The following TCP11L1 variants were observed in gnomAD, a reference collection of about 807,000 sequenced individuals.
TCP11L1 encodes t-complex 11 like 1, also known as T-complex protein 11-like protein 1.
In TCP11L1, 28 loss-of-function variants were observed where a neutral mutation model predicts 48.9. That is an observed-to-expected ratio of 0.57 (90% CI 0.42 to 0.78). The LOEUF (loss-of-function observed/expected upper bound fraction) is 0.78. Among genes scored for constraint, TCP11L1 ranks in the 30% least tolerant of loss-of-function variants. The pLI is 0.00. For missense variants in TCP11L1, 505 were observed against 613.4 expected, an observed-to-expected ratio of 0.82 and a Z score of 1.87; for synonymous variants, 204 against 231.9, an observed-to-expected ratio of 0.88 and a Z score of 1.09.
chr11:33,058,545 T>C, intron 5 of TCP11L1, among the ~76,000 whole-genome samples: 1 of 120,648 alleles, frequency 8.3e-6, no homozygotes, highest in Middle Eastern at 4.1e-3. Context: ...TACTCATGGA[T>C]TTAAAAAAAA....
chr11:33,072,716 A>G lies in TCP11L1; in HGVS notation c.*40A>G. On this transcript the variant is annotated 3_prime_UTR_variant, in exon 10 of 10. Coordinates refer to ENST00000334274, the MANE Select transcript of TCP11L1 (RefSeq NM_018393.4). ...ACAGCAGCAGTATTACTCACTAGCC[A>G]CAGAATACCTGTTCTGTACTCTAAT... 6.2e-7 allele frequency: 1 copy of G among 1,607,400 alleles called. No individual in the cohort carries two copies. Among genetic ancestry groups the G allele is most frequent in the African/African-American group, 1.3e-5 (1 of 74,928 alleles).
chr11:33,053,706 A>T (rs921807685), intron 2 of TCP11L1, among the ~76,000 whole-genome samples: 4 of 152,212 alleles, frequency 2.6e-5, no homozygotes, highest in African/African-American at 7.2e-5. Context: ...TGATCTGTCC[A>T]TTGACCACTG....
intron 1 of TCP11L1, chr11:33,040,555 A>G (rs1363785589): frequency 6.6e-6 from 1 of 152,198 alleles, no homozygotes; most frequent in Non-Finnish European, 1.5e-5. Flanking sequence ...GTGGGTGTCT[A>G]TTTGGGGGAT....
intron 1 of TCP11L1, among the ~76,000 whole-genome samples, chr11:33,042,659 G>A (rs777094354): frequency 5.3e-5 from 8 of 152,176 alleles, no homozygotes; most frequent in South Asian, 4.1e-4. Context: ...TCTGTAGGGC[G>A]CAGTGGCTCA....
chr11:33,066,129 A>G, intron 8 of TCP11L1, 118 bp downstream of exon 8: 1 of 1,324,646 alleles, frequency 7.5e-7, no homozygotes, highest in Non-Finnish European at 1.0e-6. Flanking sequence ...AGGAACTGAG[A>G]AGAAACCTTG....
intron 3 of TCP11L1, 29 bp downstream of exon 3, chr11:33,054,754 A>T (rs984196274): frequency 5.7e-6 from 9 of 1,590,940 alleles, no homozygotes; most frequent in Non-Finnish European, 7.7e-6. Flanking sequence ...TATCTTGCTT[A>T]GTAGAACACT....
At chr11:33,053,989 C>T (rs185024452) in intron 2 of TCP11L1, among the ~76,000 whole-genome samples, 2 of 152,106 alleles carry the variant, frequency 1.3e-5, no homozygotes, top group Admixed American at 1.3e-4. Flanking sequence ...TTAGTTTTTA[C>T]ATTTTTCTGT....
chr11:33,058,915 GTT>G, intron 5 of TCP11L1, 42 bp from the exon 6 acceptor site: 2 of 1,603,858 alleles, frequency 1.2e-6, no homozygotes, highest in Non-Finnish European at 1.7e-6. Context: ...TTAATGCTAT[GTT>G]TACTTTACAA....
Position 33,059,089 on chromosome 11 carries a change from C to A in TCP11L1, c.769C>A (p.Gln257Lys). 6.2e-7 allele frequency: 1 copy of A among 1,613,774 alleles called. No individual in the cohort carries two copies. The highest frequency in any genetic ancestry group is 2.2e-5 in the East Asian group (1 of 44,868). ...GAAGTTTCAAGAGATTTTGGAGAGG[C>A]AACCAAGTATGTTGAATATTTTGTG... ...RKKFQEILER[Q>K]PNSLDFVTQW... The change falls in exon 6 of 10, where the codon CAA becomes AAA. Residue 257 changes from glutamine to lysine, a missense_variant. Physicochemically the swap from Gln to Lys is moderately conservative, Grantham distance 53. Coordinates refer to ENST00000334274, the MANE Select transcript of TCP11L1 (RefSeq NM_018393.4).
At chr11:33,060,055 G>A (rs1854424679) in intron 6 of TCP11L1, among the ~76,000 whole-genome samples, 1 of 152,116 alleles carries the variant, frequency 6.6e-6, no homozygotes, top group African/African-American at 2.4e-5. Context: ...TTGACCACAA[G>A]CTCACACTCT....
intron 2 of TCP11L1, among the ~76,000 whole-genome samples, chr11:33,050,820 CT>C (rs67890341): frequency 4.9e-4 from 72 of 147,224 alleles, no homozygotes; most frequent in Non-Finnish European, 5.1e-4. Context: ...ATCTGTGATT[CT>C]TTTTTTTTTT....
intron 2 of TCP11L1, among the ~76,000 whole-genome samples, chr11:33,049,472 GTC>G (rs1393757715): frequency 4.6e-5 from 7 of 152,144 alleles, no homozygotes; most frequent in Admixed American, 4.6e-4. Flanking sequence ...CCTGCACCCT[GTC>G]TCTGAGTTCC....
At chr11:33,043,516 A>G (rs574073353) in intron 1 of TCP11L1, among the ~76,000 whole-genome samples, 4 of 152,328 alleles carry the variant, frequency 2.6e-5, no homozygotes, top group South Asian at 4.1e-4. Context: ...AAATATTCCA[A>G]CTAACTACTA....
At position 33,072,535 on chromosome 11, in the gene TCP11L1, C is replaced by T. The variant is rs1854824649; in HGVS notation, c.1389C>T (p.Pro463=). 4 of 1,614,156 alleles carry T rather than the reference C, an allele frequency of 2.5e-6. No homozygotes were observed. The highest frequency in any genetic ancestry group is 3.4e-6 in the Non-Finnish European group (4 of 1,180,024). ...CCTCGGGTCATCAGAAGCCATTGCC[C>T]ACAGTCCCTGGGGGACTCAGTCCAG... ...YLASGHQKPL[P]TVPGGLSPVQ... is the part of the protein sequence containing the mutation. Residue 463 remains proline, a synonymous_variant, in exon 10 of 10, where the codon CCC becomes CCT. Coordinates refer to ENST00000334274, the MANE Select transcript of TCP11L1 (RefSeq NM_018393.4).
At chr11:33,068,656 T>C in intron 8 of TCP11L1, 31 bp from the exon 9 acceptor site, 3 of 1,608,276 alleles carry the variant, frequency 1.9e-6, no homozygotes, top group Non-Finnish European at 2.6e-6. Context: ...GTATTTTACT[T>C]ATAGGCCCTT....
chr11:33,059,300 G>A (rs3758742), intron 6 of TCP11L1, among the ~76,000 whole-genome samples: 20,942 of 152,234 alleles, frequency 0.14, 1,741 homozygotes, highest in East Asian at 0.3. Context: ...ACAAGCAAAA[G>A]GAATGTGAGT....
At chr11:33,052,512 A>G (rs11032125) in intron 2 of TCP11L1, among the ~76,000 whole-genome samples, 61,915 of 151,232 alleles carry the variant, frequency 0.41, 12,891 homozygotes, top group African/African-American at 0.47. Context: ...GAAAAAGGAA[A>G]GAAAATAACT....
intron 3 of TCP11L1, 120 bp downstream of exon 3, chr11:33,054,845 T>TA (rs1247852560): frequency 4.2e-6 from 5 of 1,192,852 alleles, no homozygotes; most frequent in Non-Finnish European, 5.7e-6. Context: ...ACATTATTGC[T>TA]AAAAAATATT....
intron 3 of TCP11L1, among the ~76,000 whole-genome samples, chr11:33,055,356 C>T (rs953972337): frequency 2.6e-5 from 4 of 152,164 alleles, no homozygotes; most frequent in African/African-American, 9.7e-5. Flanking sequence ...AGGATGAATG[C>T]TGCAGCTCCA....
Sources: gnomAD v4.1 joint callset for allele counts (sites outside exome capture counted in the v4.1 genomes callset) on GRCh38, gnomAD v4.1.1 for gene constraint, MANE v1.5 for transcripts, NCBI Gene and HGNC (gene_info 2026-07-23, HGNC 2026-07-21) for gene names.